The following SIPA1L2 variants were observed in gnomAD, a reference collection of about 807,000 sequenced individuals.
The protein encoded by SIPA1L2 is signal-induced proliferation-associated 1-like protein 2.
Under a neutral mutation model 163.9 loss-of-function variants are expected in SIPA1L2, and 56 were observed. That is an observed-to-expected ratio of 0.34 (90% confidence interval 0.28 to 0.43). The LOEUF is 0.43. SIPA1L2 is among the 20% of genes least tolerant of loss of function. The pLI is 1.00. For missense variants in SIPA1L2, 1,974 were observed against 2,193.5 expected (o/e 0.90, Z 2.00); for synonymous variants, 877 against 865.7 (o/e 1.01, Z -0.23).
intron 2 of SIPA1L2, among the ~76,000 whole-genome samples, chr1:232,546,780 T>G (rs1658055461): frequency 6.6e-6 from 1 of 152,214 alleles, no homozygotes; most frequent in Non-Finnish European, 1.5e-5. Flanking sequence ...TTGACAGCGA[T>G]ATAGTGAAAG....
intron 1 of SIPA1L2, among the ~76,000 whole-genome samples, chr1:232,608,031 G>C (rs1445661992): frequency 9.7e-6 from 1 of 103,240 alleles, no homozygotes; most frequent in African/African-American, 4.1e-5. Flanking sequence ...TGGGCAACAA[G>C]AGCGAAACTC....
At chr1:232,550,152 T>C (rs917539717) in intron 2 of SIPA1L2, among the ~76,000 whole-genome samples, 1 of 152,222 alleles carries the variant, frequency 6.6e-6, no homozygotes, top group Admixed American at 6.5e-5. Context: ...TGCTACTTCA[T>C]TAGTTTACCA....
chr1:232,403,418 G>A (rs1660461439), intron 21 of SIPA1L2, 30 bp downstream of exon 21: 1 of 1,603,436 alleles, frequency 6.2e-7, no homozygotes, highest in Non-Finnish European at 8.5e-7. Context: ...TGGAACAGCA[G>A]GAGGGAGGGG....
At chr1:232,433,767 AG>A (rs1662389992) in intron 15 of SIPA1L2, among the ~76,000 whole-genome samples, 1 of 152,218 alleles carries the variant, frequency 6.6e-6, no homozygotes, top group Non-Finnish European at 1.5e-5. Flanking sequence ...TTTAAATTAT[AG>A]GTCTAATCTC....
chr1:232,546,269 AT>A (rs781110025), intron 2 of SIPA1L2, among the ~76,000 whole-genome samples: 24 of 152,292 alleles, frequency 1.6e-4, no homozygotes, highest in Non-Finnish European at 3.1e-4. Context: ...TAGATAAAGG[AT>A]TTTTCTACTA....
chr1:232,454,534 G>C (rs1663780817), intron 10 of SIPA1L2, among the ~76,000 whole-genome samples: 1 of 152,200 alleles, frequency 6.6e-6, no homozygotes, highest in African/African-American at 2.4e-5. Flanking sequence ...AAATTATACA[G>C]AGAAGATTCT....
In SIPA1L2 at chr1:232,428,490, G is replaced by A; in HGVS notation, c.4331C>T (p.Thr1444Ile). ...ATCTTCTTTAGACAGAACATGTTGA[G>A]TCTCTGCAACAGCATCTCCCACCAC... ...QTVVGDAVAETQHVLSKEDFL... is the reference protein window; with the variant it reads ...QTVVGDAVAEIQHVLSKEDFL... Residue 1444 changes from threonine (T) to isoleucine (I), a missense_variant, in exon 17 of 23, where the codon ACT becomes ATT. By Grantham distance (89) the Thr-to-Ile change is moderately conservative (BLOSUM62 -1). Transcript: ENST00000674635. 6.2e-7 allele frequency: 1 copy of A among 1,601,336 alleles called. No homozygotes were observed. The highest frequency in any genetic ancestry group is 1.1e-5 in the South Asian group (1 of 88,656).
At chr1:232,446,537 A>C (rs1274588395) in intron 10 of SIPA1L2, among the ~76,000 whole-genome samples, 2 of 152,250 alleles carry the variant, frequency 1.3e-5, no homozygotes, top group Non-Finnish European at 2.9e-5. Context: ...AATCATACTA[A>C]ATAGAAAGAG....
intron 9 of SIPA1L2, among the ~76,000 whole-genome samples, chr1:232,461,974 C>A (rs567340255): frequency 6.6e-6 from 1 of 152,300 alleles, no homozygotes; most frequent in African/African-American, 2.4e-5. Context: ...AGGCAGCAGA[C>A]AGACCCTCTG....
At chr1:232,527,529 T>C (rs1480513857) in intron 2 of SIPA1L2, among the ~76,000 whole-genome samples, 2 of 152,134 alleles carry the variant, frequency 1.3e-5, no homozygotes, top group Middle Eastern at 3.2e-3. Flanking sequence ...GTGCTAAATA[T>C]GAAAAGGAAA....
chr1:232,595,739 CTTCCAATGCTCA>C (rs138400273), intron 1 of SIPA1L2, among the ~76,000 whole-genome samples: 2,187 of 152,280 alleles, frequency 0.014, 48 homozygotes, highest in African/African-American at 0.05. Context: ...TGACCATTTT[CTTCCAATGCTCA>C]TTCGAAAATG....
At chr1:232,448,694 A>T (rs1390269518) in intron 10 of SIPA1L2, among the ~76,000 whole-genome samples, 1 of 152,196 alleles carries the variant, frequency 6.6e-6, no homozygotes. Flanking sequence ...GTCTTTGCAG[A>T]ATGCCAAAAT....
intron 6 of SIPA1L2, among the ~76,000 whole-genome samples, chr1:232,481,469 G>A (rs564845848): frequency 8.6e-4 from 76 of 88,442 alleles, no homozygotes; most frequent in African/African-American, 1.8e-3. Flanking sequence ...GATGCATTGC[G>A]GGGGGGAAAA....
intron 1 of SIPA1L2, among the ~76,000 whole-genome samples, chr1:232,583,272 C>G (rs148507731): frequency 1.4e-4 from 21 of 152,198 alleles, no homozygotes; most frequent in Middle Eastern, 3.4e-3. Context: ...AAGTAATAGG[C>G]ATCATCACAA....
chr1:232,456,908 C>G (rs533742479), intron 10 of SIPA1L2, among the ~76,000 whole-genome samples: 2 of 152,150 alleles, frequency 1.3e-5, no homozygotes, highest in Non-Finnish European at 2.9e-5. Context: ...TGAATTCACT[C>G]CAGGATCCAA....
chr1:232,571,966 G>A (rs974989943), intron 2 of SIPA1L2, among the ~76,000 whole-genome samples: 2 of 152,166 alleles, frequency 1.3e-5, no homozygotes, highest in African/African-American at 4.8e-5. Context: ...AACACAAAAA[G>A]GGGCTAACAC....
At chr1:232,564,235 CGTGTGTGTGT>C (rs59088753) in intron 2 of SIPA1L2, among the ~76,000 whole-genome samples, 750 of 29,686 alleles carry the variant, frequency 0.025, 45 homozygotes, top group African/African-American at 0.11. Context: ...TTTTTTTTTT[CGTGTGTGTGT>C]GTGTGTGTGT....
At chr1:232,439,052 C>G in intron 15 of SIPA1L2, 56 bp downstream of exon 15, 2 of 1,520,630 alleles carry the variant, frequency 1.3e-6, no homozygotes, top group Middle Eastern at 1.9e-4. Context: ...CCTATCCCAG[C>G]AGGCAGGGCC....
intron 2 of SIPA1L2, among the ~76,000 whole-genome samples, chr1:232,572,694 C>CATAT (rs61685621): frequency 1.0e-3 from 102 of 101,148 alleles, no homozygotes; most frequent in Non-Finnish European, 1.6e-3. Flanking sequence ...CATATACATA[C>CATAT]ATATATATAT....
Sources: gnomAD v4.1 joint callset for allele counts (sites outside exome capture counted in the v4.1 genomes callset) on GRCh38, gnomAD v4.1.1 for gene constraint, MANE v1.5 for transcripts, NCBI Gene and HGNC (gene_info 2026-07-23, HGNC 2026-07-21) for gene names.